The following CCDC8 variants were observed in gnomAD, a reference collection of about 807,000 sequenced individuals.
CCDC8 encodes the protein coiled-coil domain containing 8 subunit of 3M complex.
Under a neutral mutation model 5.2 loss-of-function variants are expected in CCDC8, and 6 were observed. The observed-to-expected ratio is 1.16, with a 90% CI of 0.63 to 2.28. CCDC8 has a LOEUF of 2.28. CCDC8 is among the 30% of genes most tolerant of loss of function. CCDC8 has a pLI of 0.00. For missense variants in CCDC8, 724 were observed against 712.2 expected (o/e 1.02, Z -0.19); for synonymous variants, 310 against 286.5 (o/e 1.08, Z -0.83).
rs560031362 is a variant in CCDC8, at chr19:46,413,041, G to A, written c.-231C>T. On this transcript the variant is annotated 5_prime_UTR_variant, in exon 1 of 1. Transcript: ENST00000307522. ...TCCAGGGTGATATCTGGGGTGAGGG[G>A]GCAATGAGCCCCAACAAACTACTGT... 1.8e-4 allele frequency: 111 copies of A among 615,372 alleles called. No individual in the cohort carries two copies. Among genetic ancestry groups the A allele is most frequent in the South Asian group, 9.4e-4 (48 of 50,900 alleles). The allele number at this position is 615,372 out of a possible 1,614,324, so 38.1% of individuals were successfully genotyped here.
chr19:46,412,051 C>A lies in CCDC8; in HGVS notation c.760G>T (p.Asp254Tyr). ...GGGGAAGCCTGGGGCACACAAACAT[C>A]TCCCGCGTTTCCCAAGCGATCCCCC... is the stretch of plus-strand genomic sequence containing the variant. ...SPGDRLGNAG[D>Y]VCVPQASPRR... Residue 254 changes from aspartate to tyrosine, a missense_variant, in exon 1 of 1, where the codon GAT (aspartate) becomes TAT (tyrosine). Transcript: ENST00000307522. This position sits in a 1 kb window ranked among gnomAD's most constrained non-coding sequence, Gnocchi z 4.7. 6.2e-7 allele frequency: 1 copy of A among 1,601,088 alleles called. No homozygotes were observed. The highest frequency in any genetic ancestry group is 8.5e-7 in the Non-Finnish European group (1 of 1,179,966).
Position 46,413,247 on chromosome 19 carries a change from C to T in CCDC8, c.-437G>A, listed in dbSNP as rs1347491443. 5.2e-6 allele frequency: 1 copy of T among 192,704 alleles called. No individual in the cohort carries two copies. The highest frequency in any genetic ancestry group is 1.2e-5 in the Non-Finnish European group (1 of 84,038). 11.9% of individuals were successfully genotyped at this position (192,704 alleles called of 1,614,324 possible). Reference sequence around the variant, plus strand: ...TTGGGGGAATCAATTTCCAGGATGCCTACGTGAGCCGGGGGCGAGGTCAGT... The same window carrying T: ...TTGGGGGAATCAATTTCCAGGATGCTTACGTGAGCCGGGGGCGAGGTCAGT... On this transcript the variant is annotated 5_prime_UTR_variant, in exon 1 of 1. Transcript: ENST00000307522.
Position 46,411,000 on chromosome 19 carries a change from C to A in CCDC8, c.*194G>T. The A allele has an allele frequency of 1.5e-6, 1 of 651,228 alleles. No individual in the cohort carries two copies. The highest frequency in any genetic ancestry group is 2.6e-6 in the Non-Finnish European group (1 of 388,086). 40.3% of individuals were successfully genotyped at this position (651,228 alleles called of 1,614,324 possible). ...TCATGCCACTGCACTCCAGCCTGGG[C>A]AACAGAGTGAGACCCTGTCTCTAAA... is the stretch of plus-strand genomic sequence containing the variant. On this transcript the variant is annotated 3_prime_UTR_variant, in exon 1 of 1. Transcript: ENST00000307522.
In CCDC8 at chr19:46,411,445, CTT is replaced by C; in HGVS notation, c.1364_1365del (p.Glu455GlyfsTer75). The C allele has an allele frequency of 6.2e-7, 1 of 1,614,210 alleles. No individual in the cohort carries two copies. On this transcript the variant is annotated frameshift_variant, in exon 1 of 1. Coordinates refer to ENST00000307522, the MANE Select transcript of CCDC8 (RefSeq NM_032040.5). LOFTEE classifies it low-confidence loss of function (END_TRUNC). ...CCTGTGGTCCCTTGGGCAGCTGAGA[CTT>C]CAGCTTCCTGGATACCTGGGGCCCC... The part of the protein sequence containing the change: ...RAGAPGIQEA[E>X]VSAAQGTTGT...
In CCDC8 at chr19:46,411,939, A is replaced by ATT; in HGVS notation, c.871_872insAA (p.Ile291LysfsTer19). The ATT allele has an allele frequency of 6.2e-7, 1 of 1,611,052 alleles. No individual in the cohort carries two copies. The highest frequency in any genetic ancestry group is 8.5e-7 in the Non-Finnish European group (1 of 1,179,038). On this transcript the variant is annotated frameshift_variant, in exon 1 of 1. Coordinates refer to ENST00000307522, the MANE Select transcript of CCDC8 (RefSeq NM_032040.5). LOFTEE classifies it low-confidence loss of function (END_TRUNC). ...AGCCTCTCCCCCCTGATCAGCCTCG[A>ATT]TGTCTGCCCCCTGACCTGTGGGTGC...
rs920812795 is a variant in CCDC8, at chr19:46,410,877, G to A, written c.*317C>T. ...AGTATTTTTTTTTTTTAATCAGATGGTGTGTGTGGTGGCTCACATCTGTAA... is the reference window on the plus strand; with the variant it reads ...AGTATTTTTTTTTTTTAATCAGATGATGTGTGTGGTGGCTCACATCTGTAA... On this transcript the variant is annotated 3_prime_UTR_variant, in exon 1 of 1. Transcript: ENST00000307522. 14 of 282,602 alleles carry A rather than the reference G, an allele frequency of 5.0e-5. No individual in the cohort carries two copies. The highest frequency in any genetic ancestry group is 3.9e-4 in the South Asian group (6 of 15,492). 17.5% of individuals were successfully genotyped at this position (282,602 alleles called of 1,614,324 possible).
In CCDC8 at chr19:46,412,315, C is replaced by G; in HGVS notation, c.496G>C (p.Ala166Pro). ...FLRRQEKQPS[A>P]PPARRRVNLP... ...TTGACGCGGCGGCGGGCAGGCGGCG[C>G]GCTGGGCTGCTTCTCCTGTCGCCGG... is the stretch of plus-strand genomic sequence containing the variant. The change falls in exon 1 of 1, where the codon GCG (alanine) becomes CCG (proline). Residue 166 changes from alanine to proline, a missense_variant. Coordinates refer to ENST00000307522, the MANE Select transcript of CCDC8 (RefSeq NM_032040.5). This position sits in a 1 kb window ranked among gnomAD's most constrained non-coding sequence, Gnocchi z 4.7. 1 of 1,610,792 alleles carries G rather than the reference C, an allele frequency of 6.2e-7. No homozygotes were observed. The highest frequency in any genetic ancestry group is 8.5e-7 in the Non-Finnish European group (1 of 1,179,940).
Position 46,413,174 on chromosome 19 carries a change from C to T in CCDC8, c.-364G>A. Reference sequence around the variant, plus strand: ...GAGCCAAACGCCTCCAATCTCTTCGCCTGCAACAAGTACAGTCTTGACCAA... The same window carrying T: ...GAGCCAAACGCCTCCAATCTCTTCGTCTGCAACAAGTACAGTCTTGACCAA... On this transcript the variant is annotated 5_prime_UTR_variant, in exon 1 of 1. Coordinates refer to ENST00000307522, the MANE Select transcript of CCDC8 (RefSeq NM_032040.5). 2 of 334,256 alleles carry T rather than the reference C, an allele frequency of 6.0e-6. No individual in the cohort carries two copies. Among genetic ancestry groups the T allele is most frequent in the Non-Finnish European group, 1.2e-5 (2 of 168,750 alleles). 20.7% of individuals were successfully genotyped at this position (334,256 alleles called of 1,614,324 possible).
rs1333133846 is a variant in CCDC8, at chr19:46,411,684, C to T, written c.1127G>A (p.Arg376Lys). The T allele has an allele frequency of 1.3e-6, 2 of 1,571,488 alleles. No homozygotes were observed. The highest frequency in any genetic ancestry group is 8.7e-7 in the Non-Finnish European group (1 of 1,155,844). The change falls in exon 1 of 1, where the codon AGG becomes AAG. Residue 376 changes from arginine to lysine, a missense_variant. Transcript: ENST00000307522. The part of the protein sequence containing the change: ...NQRAEAPADQ[R>K]SQGTDNHREE... ...CCTGTGGTTATCTGTGCCCTGTGAC[C>T]TCTGGTCAGCTGGGGCCTCTGCCCT... is the stretch of plus-strand genomic sequence containing the variant.
rs1225777893 is a variant in CCDC8 at position 46,411,875 on chromosome 19, C to T, written c.936G>A (p.Arg312=). 6.2e-7 allele frequency: 1 copy of T among 1,614,108 alleles called. No individual in the cohort carries two copies. The highest frequency in any genetic ancestry group is 1.7e-5 in the Admixed American group (1 of 60,026). ...CCCTCTGATTACCTGCAGCCCCTTC[C>T]CGCTGGTCAGCTATGGCCTCTTCCC... ...SQREEAIADQ[R]EGAAGNQRAG... is the part of the protein sequence containing the mutation. The change falls in exon 1 of 1, where the codon CGG becomes CGA. Residue 312 remains arginine (R), a synonymous_variant. Transcript: ENST00000307522.
In CCDC8 at chr19:46,413,048, A is replaced by G. The variant is rs1973254162; in HGVS notation, c.-238T>C. 8.3e-6 allele frequency: 5 copies of G among 605,854 alleles called. No homozygotes were observed. Among genetic ancestry groups the G allele is most frequent in the South Asian group, 7.9e-5 (4 of 50,562 alleles). The allele number at this position is 605,854 out of a possible 1,614,324, so 37.5% of individuals were successfully genotyped here. A position where few individuals can be genotyped will look rare whatever the true frequency, so the allele number is the denominator to read the frequency against. On this transcript the variant is annotated 5_prime_UTR_variant, in exon 1 of 1. Transcript: ENST00000307522. Reference sequence around the variant, plus strand: ...TGATATCTGGGGTGAGGGGGCAATGAGCCCCAACAAACTACTGTAGCCCTT... The same window carrying G: ...TGATATCTGGGGTGAGGGGGCAATGGGCCCCAACAAACTACTGTAGCCCTT...
chr19:46,412,461 CTCT>C lies in CCDC8; in HGVS notation c.347_349del (p.Lys116del). 1 of 1,610,896 alleles carries C rather than the reference CTCT, an allele frequency of 6.2e-7. No individual in the cohort carries two copies. The highest frequency in any genetic ancestry group is 8.5e-7 in the Non-Finnish European group (1 of 1,179,982). On this transcript the variant is annotated inframe_deletion, in exon 1 of 1. Coordinates refer to ENST00000307522, the MANE Select transcript of CCDC8 (RefSeq NM_032040.5). The surrounding 1 kb of genome is among the most constrained non-coding windows in gnomAD (Gnocchi z 4.7). Reference sequence around the variant, plus strand: ...CTTGCCCCGCCGCGGGCCCTGGCGGCTCTTGTCTCTGGAGGTCTCGAAGTCGCT... The same window carrying C: ...CTTGCCCCGCCGCGGGCCCTGGCGGCTGTCTCTGGAGGTCTCGAAGTCGCT...
In CCDC8 at chr19:46,411,066, A is replaced by C; in HGVS notation, c.*128T>G. The stretch of plus-strand genomic sequence containing the variant: ...TCAAAGCATGAACAAAACTTTAACA[A>C]GAGAATAAAGAGGGTTGTTAGGTGG... On this transcript the variant is annotated 3_prime_UTR_variant, in exon 1 of 1. Transcript: ENST00000307522. 4.0e-5 allele frequency: 46 copies of C among 1,136,074 alleles called. No homozygotes were observed. Among genetic ancestry groups the C allele is most frequent in the Non-Finnish European group, 5.0e-5 (40 of 793,742 alleles). 70.4% of individuals were successfully genotyped at this position (1,136,074 alleles called of 1,614,324 possible).
chr19:46,412,145 G>C lies in CCDC8; in HGVS notation c.666C>G (p.Gly222=). ...GWAPRAGPGV[G]EARLASTAVE... ...CTGCGGTGGAGGCCAGCCGGGCCTC[G>C]CCCACCCCGGGGCCCGCCCTCGGCG... Residue 222 remains glycine (G), a synonymous_variant, in exon 1 of 1, where the codon GGC becomes GGG. Transcript: ENST00000307522. This position sits in a 1 kb window ranked among gnomAD's most constrained non-coding sequence, Gnocchi z 4.7. 1 of 1,598,296 alleles carries C rather than the reference G, an allele frequency of 6.3e-7. No homozygotes were observed. Among genetic ancestry groups the C allele is most frequent in the Non-Finnish European group, 8.5e-7 (1 of 1,179,490 alleles).
In CCDC8 at chr19:46,412,835, G is replaced by C; in HGVS notation, c.-25C>G. ...TCCCCACCGTGGAGTCCTCCTCCTT[G>C]CGGAACACCTTGCCGATCTTCTTAA... On this transcript the variant is annotated 5_prime_UTR_variant, in exon 1 of 1. Coordinates refer to ENST00000307522, the MANE Select transcript of CCDC8 (RefSeq NM_032040.5). This position sits in a 1 kb window ranked among gnomAD's most constrained non-coding sequence, Gnocchi z 4.7. 13 of 1,613,674 alleles carry C rather than the reference G, an allele frequency of 8.1e-6. No individual in the cohort carries two copies. The highest frequency in any genetic ancestry group is 1.1e-5 in the Non-Finnish European group (13 of 1,179,928).
At position 46,412,071 on chromosome 19, in the gene CCDC8, T is replaced by G; in HGVS notation, c.740A>C (p.Asp247Ala). The G allele has an allele frequency of 6.3e-7, 1 of 1,599,874 alleles. No individual in the cohort carries two copies. The highest frequency in any genetic ancestry group is 8.5e-7 in the Non-Finnish European group (1 of 1,179,920). The change falls in exon 1 of 1, where the codon GAT (aspartate) becomes GCT (alanine). Residue 247 changes from aspartate (D) to alanine (A), a missense_variant. Asp to Ala is a moderately radical substitution (Grantham distance 126). Transcript: ENST00000307522. This position sits in a 1 kb window ranked among gnomAD's most constrained non-coding sequence, Gnocchi z 4.7. ...SSAPEGTSPG[D>A]RLGNAGDVCV... The stretch of plus-strand genomic sequence containing the variant: ...AACATCTCCCGCGTTTCCCAAGCGA[T>G]CCCCCGGGCTGGTGCCCTCTGGCGC...
At position 46,412,721 on chromosome 19, in the gene CCDC8, G is replaced by A. The variant is rs751905097; in HGVS notation, c.90C>T (p.Pro30=). 6 of 1,613,352 alleles carry A rather than the reference G, an allele frequency of 3.7e-6. No individual in the cohort carries two copies. The East Asian group carries it at 6.7e-5, about 18-fold the overall frequency. ...CCCGAAATTCTGCTTCCTTGGTGGC[G>A]GGCTTAGAGATGACTCTCCAGACGC... is the stretch of plus-strand genomic sequence containing the variant. ...AGGVWRVISK[P]ATKEAEFRER... The change falls in exon 1 of 1, where the codon CCC becomes CCT. Residue 30 remains proline (P), a synonymous_variant. Coordinates refer to ENST00000307522, the MANE Select transcript of CCDC8 (RefSeq NM_032040.5). The surrounding 1 kb of genome is among the most constrained non-coding windows in gnomAD (Gnocchi z 4.7).
chr19:46,412,789 C>G lies in CCDC8; in HGVS notation c.22G>C (p.Val8Leu). 1 of 1,614,080 alleles carries G rather than the reference C, an allele frequency of 6.2e-7. No individual in the cohort carries two copies. The highest frequency in any genetic ancestry group is 8.5e-7 in the Non-Finnish European group (1 of 1,180,036). The part of the protein sequence containing the change: MLQIGED[V>L]DYLLIPREVR... ...TCCCGGGGGATGAGCAAATAGTCGACGTCCTCCCCGATCTGCAGCATCCCC... is the reference window on the plus strand; with the variant it reads ...TCCCGGGGGATGAGCAAATAGTCGAGGTCCTCCCCGATCTGCAGCATCCCC... Residue 8 changes from valine to leucine, a missense_variant, in exon 1 of 1, where the codon GTC (valine) becomes CTC (leucine). Transcript: ENST00000307522. This position sits in a 1 kb window ranked among gnomAD's most constrained non-coding sequence, Gnocchi z 4.7.
In CCDC8 at chr19:46,411,910, C is replaced by G. The variant is rs765051486; in HGVS notation, c.901G>C (p.Asp301His). The part of the protein sequence containing the change: ...IEADQGGEAA[D>H]SQREEAIADQ... The stretch of plus-strand genomic sequence containing the variant: ...GCTATGGCCTCTTCCCTTTGACTAT[C>G]TGCAGCCTCTCCCCCCTGATCAGCC... The change falls in exon 1 of 1, where the codon GAT becomes CAT. Residue 301 changes from aspartate (D) to histidine (H), a missense_variant. Asp to His is a moderately conservative substitution (Grantham distance 81). Transcript: ENST00000307522. The G allele has an allele frequency of 6.2e-7, 1 of 1,613,152 alleles. No homozygotes were observed. Among genetic ancestry groups the G allele is most frequent in the East Asian group, 2.2e-5 (1 of 44,876 alleles).
Sources: gnomAD v4.1 joint callset for allele counts on GRCh38, gnomAD v4.1.1 for gene constraint, Gnocchi (gnomAD v3.1) non-coding constraint, MANE v1.5 for transcripts, NCBI Gene and HGNC (gene_info 2026-07-23, HGNC 2026-07-21) for gene names.